The following SCEL variants were observed in gnomAD, a reference collection of about 807,000 sequenced individuals.
SCEL encodes the protein sciellin.
Under a neutral mutation model 117.6 loss-of-function variants are expected in SCEL, and 113 were observed. The ratio of observed to expected loss-of-function variants is 0.96; its 90% confidence interval spans 0.83 to 1.12. SCEL has a LOEUF of 1.12. Among genes scored for constraint, SCEL ranks in the 50% most tolerant of loss-of-function variants. The pLI, the probability that SCEL is intolerant of heterozygous loss-of-function variation, is 0.00. For missense variants in SCEL, 785 were observed against 810.8 expected (o/e 0.97, Z 0.39); for synonymous variants, 270 against 256.2 (o/e 1.05, Z -0.51).
chr13:77,613,209 A>T (rs987414388), intron 23 of SCEL, among the ~76,000 whole-genome samples: 2 of 152,158 alleles, frequency 1.3e-5, no homozygotes, highest in Non-Finnish European at 2.9e-5. Context: ...GCATAACTAG[A>T]TTATAACCAT....
intron 9 of SCEL, among the ~76,000 whole-genome samples, chr13:77,584,803 A>G (rs1252129578): frequency 6.6e-6 from 1 of 152,216 alleles, no homozygotes; most frequent in African/African-American, 2.4e-5. Context: ...GAATCCACAC[A>G]GATACACTAA....
intron 4 of SCEL, among the ~76,000 whole-genome samples, chr13:77,562,300 G>C (rs2085028373): frequency 6.6e-6 from 1 of 152,134 alleles, no homozygotes; most frequent in African/African-American, 2.4e-5. Context: ...TTTCTGCAAG[G>C]GGACAGATGG....
In SCEL at chr13:77,592,562, C is replaced by CTT. The variant is rs10693960; in HGVS notation, c.693-937_693-936dup. On this transcript the variant is annotated intron_variant, in intron 11 of 32. Transcript: ENST00000349847. ...TTTTCTTTTCTTCTTCTTCTTCTTCCTTTTTTTTTTTTTTTTGACAGGATC... is the reference window on the plus strand; with the variant it reads ...TTTTCTTTTCTTCTTCTTCTTCTTCCTTTTTTTTTTTTTTTTTTGACAGGATC... Among the ~76,000 whole-genome samples the CTT allele has an allele frequency of 8.6e-3, 1,143 of 133,302 alleles. 18 individuals are homozygous for CTT. The highest frequency in any genetic ancestry group is 0.02 in the African/African-American group (694 of 34,842). 87.5% of individuals were successfully genotyped at this position (133,302 alleles called of 152,430 possible). A position where few individuals can be genotyped will look rare whatever the true frequency, so the allele number is the denominator to read the frequency against.
chr13:77,559,701 C>T, intron 3 of SCEL, 103 bp from the exon 4 acceptor site: 1 of 899,958 alleles, frequency 1.1e-6, no homozygotes, highest in Non-Finnish European at 1.8e-6. Flanking sequence ...AATGAATTAA[C>T]CTTGCCAAAA....
At chr13:77,600,904 A>C (rs1310966751) in intron 15 of SCEL, among the ~76,000 whole-genome samples, 1 of 152,254 alleles carries the variant, frequency 6.6e-6, no homozygotes, top group Non-Finnish European at 1.5e-5. Context: ...ATCTATGCCC[A>C]GAATGGCATT....
At chr13:77,610,242 G>A in intron 22 of SCEL, 136 bp downstream of exon 22, 1 of 481,332 alleles carries the variant, frequency 2.1e-6, no homozygotes, top group South Asian at 3.8e-5. Flanking sequence ...CACAAGGTCA[G>A]GAGATGGAGA....
At chr13:77,565,191 G>A (rs1593951256) in intron 5 of SCEL, among the ~76,000 whole-genome samples, 2 of 152,176 alleles carry the variant, frequency 1.3e-5, no homozygotes, top group East Asian at 1.9e-4. Context: ...AGACCTCACA[G>A]GCAATGTAGT....
chr13:77,637,291 T>C lies in SCEL; in HGVS notation c.1838+97T>C, dbSNP rs910464280. ...ATACACACACACAGGCACACACACA[T>C]ATATATAAATATATATACATATATA... On this transcript the variant is annotated intron_variant, in intron 30 of 32. Coordinates refer to ENST00000349847, the MANE Select transcript of SCEL (RefSeq NM_144777.3). The C allele has an allele frequency of 6.2e-5, 12 of 192,456 alleles. No homozygotes were observed. In the East Asian group the frequency reaches 6.5e-4, roughly 10 times the overall value. The allele number at this position is 192,456 out of a possible 1,614,324, so 11.9% of individuals were successfully genotyped here. A position where few individuals can be genotyped will look rare whatever the true frequency, so the allele number is the denominator to read the frequency against.
At chr13:77,560,597 C>A (rs547709374) in intron 4 of SCEL, among the ~76,000 whole-genome samples, 1 of 152,308 alleles carries the variant, frequency 6.6e-6, no homozygotes, top group East Asian at 1.9e-4. Context: ...AAAACATGAA[C>A]TGATCCTCAG....
At chr13:77,617,685 A>C in intron 25 of SCEL, 27 bp downstream of exon 25, 1 of 1,534,986 alleles carries the variant, frequency 6.5e-7, no homozygotes, top group Non-Finnish European at 9.0e-7. Flanking sequence ...GTTTTAATGT[A>C]CTTGGGTCAG....
intron 1 of SCEL, among the ~76,000 whole-genome samples, chr13:77,543,380 G>A (rs2083829170): frequency 6.6e-6 from 1 of 152,176 alleles, no homozygotes; most frequent in Non-Finnish European, 1.5e-5. Context: ...ACCGCGCCCG[G>A]CCAACTTTAG....
chr13:77,641,072 G>A (rs1435607897), intron 31 of SCEL, among the ~76,000 whole-genome samples: 1 of 152,090 alleles, frequency 6.6e-6, no homozygotes, highest in Non-Finnish European at 1.5e-5. Context: ...TTTTATAAAA[G>A]TTTTTGCAAC....
At position 77,557,071 on chromosome 13, in the gene SCEL, T is replaced by A. The variant is rs150213252; in HGVS notation, c.161+358T>A. Among the ~76,000 whole-genome samples the A allele has an allele frequency of 6.1e-3, 930 of 152,320 alleles. 10 individuals are homozygous for A. Among genetic ancestry groups the A allele is most frequent in the African/African-American group, 0.02 (839 of 41,574 alleles). Reference sequence around the variant, plus strand: ...TGATCGGACAATCCTGCTCTGTTGATCATGTCAGCTGAAATAAACAAAAAG... The same window carrying A: ...TGATCGGACAATCCTGCTCTGTTGAACATGTCAGCTGAAATAAACAAAAAG... On this transcript the variant is annotated intron_variant, in intron 3 of 32. Transcript: ENST00000349847.
chr13:77,599,729 A>T lies in SCEL; in HGVS notation c.898A>T (p.Thr300Ser). ...LESLIYMSTR[T>S]DKDGKGIQSL... ...AAGTCTCATCTATATGAGTACCCGG[A>T]CAGATAAAGATGGCAAAGGGTAAGA... is the stretch of plus-strand genomic sequence containing the variant. The change falls in exon 15 of 33, where the codon ACA becomes TCA. Residue 300 changes from threonine (T) to serine (S), a missense_variant. Coordinates refer to ENST00000349847, the MANE Select transcript of SCEL (RefSeq NM_144777.3). 4 of 1,611,246 alleles carry T rather than the reference A, an allele frequency of 2.5e-6. No homozygotes were observed. Among genetic ancestry groups the T allele is most frequent in the Non-Finnish European group, 3.4e-6 (4 of 1,177,388 alleles).
chr13:77,637,134 A>T lies in SCEL; in HGVS notation c.1778A>T (p.Asp593Val). The T allele has an allele frequency of 6.4e-7, 1 of 1,550,516 alleles. No homozygotes were observed. Among genetic ancestry groups the T allele is most frequent in the Non-Finnish European group, 8.7e-7 (1 of 1,143,818 alleles). The change falls in exon 30 of 33, where the codon GAT becomes GTT. Residue 593 changes from aspartate (D) to valine (V), a missense_variant. Asp to Val is a radical substitution (Grantham distance 152, BLOSUM62 -3). Transcript: ENST00000349847. ...TTTGTTCCTAGTAAATCACCCAAGG[A>T]TGGATATCAGGAGAATATCTCTGGA... ...TYVENSKSPK[D>V]GYQENISGKY...
At chr13:77,552,282 A>G (rs2084378140) in intron 1 of SCEL, among the ~76,000 whole-genome samples, 1 of 149,496 alleles carries the variant, frequency 6.7e-6, no homozygotes. Context: ...TGACTTCCAC[A>G]ATGGTTGAAC....
chr13:77,628,037 TC>T, intron 28 of SCEL, 28 bp downstream of exon 28: 1 of 1,147,880 alleles, frequency 8.7e-7, no homozygotes, highest in Non-Finnish European at 1.2e-6. Context: ...TCACTTTTTT[TC>T]TTATGAGTTC....
At chr13:77,539,679 C>T (rs1436853046) in intron 1 of SCEL, among the ~76,000 whole-genome samples, 3 of 151,962 alleles carry the variant, frequency 2.0e-5, no homozygotes, top group African/African-American at 4.8e-5. Context: ...GGACTACAGG[C>T]GCCCACCACC....
intron 1 of SCEL, among the ~76,000 whole-genome samples, chr13:77,541,299 T>G (rs2083688627): frequency 6.6e-6 from 1 of 152,204 alleles, no homozygotes. Context: ...GATTCTACTT[T>G]CACCTATTAT....
Sources: gnomAD v4.1 joint callset for allele counts (sites outside exome capture counted in the v4.1 genomes callset) on GRCh38, gnomAD v4.1.1 for gene constraint, MANE v1.5 for transcripts, NCBI Gene and HGNC (gene_info 2026-07-23, HGNC 2026-07-21) for gene names.